The following FBXL7 variants were observed in gnomAD, a reference collection of about 807,000 sequenced individuals.
FBXL7 encodes F-box/LRR-repeat protein 7.
FBXL7 carries 12 observed loss-of-function variants against 38.3 expected under a neutral mutation model. The ratio of observed to expected loss-of-function variants is 0.31; its 90% CI spans 0.20 to 0.51. FBXL7 has a LOEUF of 0.51. Among genes scored for constraint, FBXL7 ranks in the 20% least tolerant of loss-of-function variants. FBXL7 has a pLI of 0.98. For missense variants in FBXL7, 567 were observed against 676.4 expected (o/e 0.84, Z 1.79); for synonymous variants, 297 against 300.9 (o/e 0.99, Z 0.13).
chr5:15,781,733 A>G (rs565419106), intron 2 of FBXL7, among the ~76,000 whole-genome samples: 2 of 152,346 alleles, frequency 1.3e-5, no homozygotes, highest in East Asian at 3.9e-4. Context: ...AGCAATATGC[A>G]TAGCTAGACC....
intron 2 of FBXL7, among the ~76,000 whole-genome samples, chr5:15,646,657 A>G (rs1381793584): frequency 6.6e-6 from 1 of 152,208 alleles, no homozygotes; most frequent in South Asian, 2.1e-4. Context: ...GATTTAGCTT[A>G]TTTTGTTGTT....
chr5:15,699,255 G>A (rs1343864966), intron 2 of FBXL7, among the ~76,000 whole-genome samples: 1 of 152,134 alleles, frequency 6.6e-6, no homozygotes, highest in Admixed American at 6.5e-5. Context: ...CAAAATAAAT[G>A]TATTATCTCA....
rs184677151 is a variant in FBXL7, at chr5:15,877,904, C to T, written c.128-49986C>T. Among the ~76,000 whole-genome samples the T allele has an allele frequency of 2.6e-5, 4 of 152,268 alleles. No homozygotes were observed. The East Asian group carries it at 7.7e-4, about 29-fold the overall frequency. ...CTTCCACACTTGTTCGTGTTCATCT[C>T]TCATGCCCATCCTTACTCTGTGTCT... On this transcript the variant is annotated intron_variant, in intron 2 of 3. Coordinates refer to ENST00000504595, the MANE Select transcript of FBXL7 (RefSeq NM_012304.5).
At chr5:15,916,577 G>A (rs1741590566) in intron 2 of FBXL7, among the ~76,000 whole-genome samples, 2 of 152,314 alleles carry the variant, frequency 1.3e-5, no homozygotes, top group South Asian at 4.2e-4. Flanking sequence ...GAAAGGAAAA[G>A]CAGAAGAGAG....
At chr5:15,521,348 T>A (rs1737091541) in intron 1 of FBXL7, among the ~76,000 whole-genome samples, 2 of 152,228 alleles carry the variant, frequency 1.3e-5, no homozygotes, top group South Asian at 4.1e-4. Context: ...CTGGAAGGTT[T>A]CACACATAGC....
chr5:15,644,284 C>T (rs1741459400), intron 2 of FBXL7, among the ~76,000 whole-genome samples: 1 of 143,236 alleles, frequency 7.0e-6, no homozygotes, highest in African/African-American at 2.7e-5. Flanking sequence ...CATGGAGAAA[C>T]CCCGTCTCTA....
At chr5:15,746,096 G>C (rs1362144405) in intron 2 of FBXL7, among the ~76,000 whole-genome samples, 1 of 152,182 alleles carries the variant, frequency 6.6e-6, no homozygotes, top group African/African-American at 2.4e-5. Context: ...ACTGGGTGTA[G>C]AGTGTGGTAG....
At chr5:15,789,530 C>T (rs754249376) in intron 2 of FBXL7, among the ~76,000 whole-genome samples, 77 of 152,294 alleles carry the variant, frequency 5.1e-4, no homozygotes, top group Middle Eastern at 3.4e-3. Context: ...CAGTCACCCA[C>T]GACCACACAG....
intron 2 of FBXL7, among the ~76,000 whole-genome samples, chr5:15,617,918 A>G (rs995257002): frequency 2.6e-5 from 4 of 152,200 alleles, no homozygotes; most frequent in African/African-American, 9.7e-5. Context: ...ATCCAAATAG[A>G]AAGTTAAAAG....
At chr5:15,578,021 G>T (rs1336613414) in intron 1 of FBXL7, among the ~76,000 whole-genome samples, 1 of 152,196 alleles carries the variant, frequency 6.6e-6, no homozygotes, top group African/African-American at 2.4e-5. Context: ...TTTATGGGAT[G>T]TGTGGTCATG....
chr5:15,693,769 G>A (rs1216469737), intron 2 of FBXL7, among the ~76,000 whole-genome samples: 1 of 152,150 alleles, frequency 6.6e-6, no homozygotes, highest in Non-Finnish European at 1.5e-5. Flanking sequence ...GGGAAATTTG[G>A]CAGAGGGTGG....
At chr5:15,688,275 T>C (rs1019373846) in intron 2 of FBXL7, among the ~76,000 whole-genome samples, 12 of 152,200 alleles carry the variant, frequency 7.9e-5, no homozygotes, top group African/African-American at 2.9e-4. Flanking sequence ...TGGGAACCAT[T>C]GATTAAGTGC....
At chr5:15,640,318 G>A (rs558335537) in intron 2 of FBXL7, among the ~76,000 whole-genome samples, 17 of 152,152 alleles carry the variant, frequency 1.1e-4, no homozygotes, top group South Asian at 4.2e-4. Flanking sequence ...TTGCAGCTGC[G>A]TCACTCCAGT....
chr5:15,543,279 A>T (rs750567106), intron 1 of FBXL7, among the ~76,000 whole-genome samples: 1 of 152,194 alleles, frequency 6.6e-6, no homozygotes, highest in Non-Finnish European at 1.5e-5. Context: ...GTGGCAGACA[A>T]GAGGGCATGT....
At chr5:15,563,258 CACTT>C (rs1738468325) in intron 1 of FBXL7, among the ~76,000 whole-genome samples, 2 of 152,166 alleles carry the variant, frequency 1.3e-5, no homozygotes, top group Non-Finnish European at 2.9e-5. Context: ...GTTGGGCTAA[CACTT>C]GCTTGAGCAA....
chr5:15,701,796 A>T (rs1743532394), intron 2 of FBXL7, among the ~76,000 whole-genome samples: 1 of 152,226 alleles, frequency 6.6e-6, no homozygotes, highest in Non-Finnish European at 1.5e-5. Flanking sequence ...AGTACTCTTG[A>T]TCTTCATAAA....
At chr5:15,840,003 G>C (rs1738700559) in intron 2 of FBXL7, among the ~76,000 whole-genome samples, 1 of 152,138 alleles carries the variant, frequency 6.6e-6, no homozygotes, top group African/African-American at 2.4e-5. Flanking sequence ...TTTTTGTCCA[G>C]AGTAAAATAT....
At chr5:15,590,816 A>G (rs935975845) in intron 1 of FBXL7, among the ~76,000 whole-genome samples, 4 of 152,194 alleles carry the variant, frequency 2.6e-5, no homozygotes, top group Non-Finnish European at 4.4e-5. Context: ...CCTGCTCGAT[A>G]AAGCAGGAAC....
chr5:15,891,926 G>A (rs556640452), intron 2 of FBXL7, among the ~76,000 whole-genome samples: 19 of 152,326 alleles, frequency 1.2e-4, no homozygotes, highest in Non-Finnish European at 2.5e-4. Flanking sequence ...CTTGACTGCA[G>A]TGGGGCCAGA....
Sources: allele counts gnomAD v4.1 joint callset (sites outside exome capture counted in the v4.1 genomes callset), GRCh38; gene constraint gnomAD v4.1.1; transcripts MANE v1.5; gene names NCBI Gene and HGNC (gene_info 2026-07-23, HGNC 2026-07-21).